Variants in TUFT1 observed in about 807,000 individuals in gnomAD.
TUFT1 encodes tuftelin.
Under a neutral mutation model 57.8 loss-of-function variants are expected in TUFT1, and 43 were observed. The ratio of observed to expected loss-of-function variants is 0.74; its 90% CI spans 0.58 to 0.96. TUFT1 has a LOEUF of 0.96. Ranked by LOEUF, TUFT1 falls within the 40% of genes least tolerant of loss-of-function variation. The pLI, the probability that TUFT1 is intolerant of heterozygous loss-of-function variation, is 0.00. For synonymous variants in TUFT1, 166 were observed against 176.7 expected, an observed-to-expected ratio of 0.94 and a Z score of 0.48; for missense variants, 459 against 489.0, an observed-to-expected ratio of 0.94 and a Z score of 0.58.
chr1:151,558,027 CTTG>C (rs1198126361), intron 1 of TUFT1: 10 of 410,656 alleles, frequency 2.4e-5, no homozygotes, highest in South Asian at 5.7e-5. Context: ...GGAAGGAAAT[CTTG>C]TTGTATTTAC....
intron 7 of TUFT1, among the ~76,000 whole-genome samples, chr1:151,571,196 GA>G (rs1261958982): frequency 6.6e-6 from 1 of 152,246 alleles, no homozygotes; most frequent in Non-Finnish European, 1.5e-5. Context: ...CTGAGAAGGA[GA>G]ATTTTTGAGA....
intron 9 of TUFT1, 79 bp from the exon 10 acceptor site, chr1:151,578,642 C>G (rs1666554202): frequency 3.1e-6 from 4 of 1,295,072 alleles, no homozygotes; most frequent in Admixed American, 2.1e-5. Flanking sequence ...GGGAACCTCC[C>G]AAGCTCAAGG....
chr1:151,556,333 C>T (rs1312445924), intron 1 of TUFT1, among the ~76,000 whole-genome samples: 1 of 151,534 alleles, frequency 6.6e-6, no homozygotes, highest in African/African-American at 2.4e-5. Context: ...CCTTCCCTTC[C>T]CTTTCCTTCC....
intron 1 of TUFT1, among the ~76,000 whole-genome samples, chr1:151,556,569 T>C (rs1211590825): frequency 6.6e-6 from 1 of 152,008 alleles, no homozygotes. Context: ...ACACCATGCC[T>C]GGATAAGAAA....
chr1:151,565,390 G>C lies in TUFT1; in HGVS notation c.415-773G>C, dbSNP rs541926228. 1.4e-4 allele frequency among the ~76,000 whole-genome samples: 21 copies of C among 152,382 alleles called. No homozygotes were observed. In the East Asian group the frequency reaches 3.9e-3, roughly 28 times the overall value. On this transcript the variant is annotated intron_variant, in intron 5 of 12. Transcript: ENST00000368849. Reference sequence around the variant, plus strand: ...TGCATTTTGGTTCAGGCAGAGTCTTGCTCCAGCAGCAGCCCCTGCCTTCAT... The same window carrying C: ...TGCATTTTGGTTCAGGCAGAGTCTTCCTCCAGCAGCAGCCCCTGCCTTCAT...
intron 9 of TUFT1, 80 bp downstream of exon 9, chr1:151,575,085 G>C: frequency 2.3e-6 from 3 of 1,293,734 alleles, no homozygotes; most frequent in Non-Finnish European, 3.3e-6. Context: ...TGCTCCTGTG[G>C]TGGCCTGGTC....
At chr1:151,580,916 C>T (rs750613101) in intron 11 of TUFT1, 26 bp from the exon 12 acceptor site, 13 of 1,611,774 alleles carry the variant, frequency 8.1e-6, no homozygotes, top group African/African-American at 1.3e-5. Flanking sequence ...AAAAGGCCAA[C>T]TCTAACCCCT....
intron 7 of TUFT1, among the ~76,000 whole-genome samples, chr1:151,573,340 G>A (rs573417128): frequency 1.3e-5 from 2 of 152,326 alleles, no homozygotes; most frequent in South Asian, 2.1e-4. Context: ...TCTGGAAGAA[G>A]GGGCATCTAA....
chr1:151,567,442 C>G (rs1407170976), intron 6 of TUFT1, among the ~76,000 whole-genome samples: 1 of 152,144 alleles, frequency 6.6e-6, no homozygotes, highest in Non-Finnish European at 1.5e-5. Flanking sequence ...TCATGTTTCC[C>G]AGGCTCATCT....
At chr1:151,567,729 AG>A (rs1156369255) in intron 6 of TUFT1, among the ~76,000 whole-genome samples, 6 of 152,176 alleles carry the variant, frequency 3.9e-5, no homozygotes, top group Non-Finnish European at 7.3e-5. Flanking sequence ...TATTTTTAGT[AG>A]AGATGGGGTT....
chr1:151,556,953 G>A (rs559908983), intron 1 of TUFT1, among the ~76,000 whole-genome samples: 1 of 152,282 alleles, frequency 6.6e-6, no homozygotes, highest in East Asian at 1.9e-4. Context: ...CAGCCTGGGT[G>A]ACAGAAACAG....
intron 1 of TUFT1, among the ~76,000 whole-genome samples, chr1:151,548,170 G>A (rs1466570484): frequency 1.3e-5 from 2 of 152,202 alleles, no homozygotes; most frequent in East Asian, 1.9e-4. Context: ...CAAGGAGAGG[G>A]TAGAGAGGGT....
At chr1:151,571,130 A>T (rs1571713254) in intron 7 of TUFT1, among the ~76,000 whole-genome samples, 1 of 152,246 alleles carries the variant, frequency 6.6e-6, no homozygotes, top group African/African-American at 2.4e-5. Flanking sequence ...CTGCCTAGGC[A>T]TGCTAGGAGC....
At chr1:151,575,429 T>C (rs1440305024) in intron 9 of TUFT1, among the ~76,000 whole-genome samples, 1 of 152,120 alleles carries the variant, frequency 6.6e-6, no homozygotes, top group Non-Finnish European at 1.5e-5. Flanking sequence ...AAAAATGGAA[T>C]GAGCAGCTTC....
chr1:151,574,498 C>T lies in TUFT1; in HGVS notation c.723+100C>T, dbSNP rs1055237795. The T allele has an allele frequency of 7.9e-6, 12 of 1,511,226 alleles. No individual in the cohort carries two copies. The Admixed American group carries it at 1.9e-4, about 24-fold the overall frequency. 93.6% of individuals were successfully genotyped at this position (1,511,226 alleles called of 1,614,324 possible). A position where few individuals can be genotyped will look rare whatever the true frequency, so the allele number is the denominator to read the frequency against. The stretch of plus-strand genomic sequence containing the variant: ...GCCGAGACCCTTCTTTTCCAAGCCT[C>T]TCCAGAAAAGCACACTTCGCACCTT... On this transcript the variant is annotated intron_variant, in intron 8 of 12. Coordinates refer to ENST00000368849, the MANE Select transcript of TUFT1 (RefSeq NM_020127.3).
chr1:151,573,315 A>T (rs1666329033), intron 7 of TUFT1, among the ~76,000 whole-genome samples: 1 of 152,206 alleles, frequency 6.6e-6, no homozygotes. Context: ...CTCCTCCCCC[A>T]GGCTCTGAAG....
At chr1:151,567,379 A>G (rs1666118205) in intron 6 of TUFT1, among the ~76,000 whole-genome samples, 3 of 151,950 alleles carry the variant, frequency 2.0e-5, no homozygotes, top group Non-Finnish European at 4.4e-5. Context: ...GACTATAGAC[A>G]CGTGCCACCA....
At chr1:151,565,994 C>A in intron 5 of TUFT1, 169 bp from the exon 6 acceptor site, 2 of 467,416 alleles carry the variant, frequency 4.3e-6, no homozygotes, top group South Asian at 6.2e-5. Context: ...TTCTTCATTC[C>A]TTCCTTTTTC....
intron 7 of TUFT1, among the ~76,000 whole-genome samples, chr1:151,573,666 C>T (rs1040609794): frequency 6.6e-5 from 10 of 152,186 alleles, no homozygotes; most frequent in South Asian, 2.1e-4. Flanking sequence ...ATCACTTGAA[C>T]CCAGGAGGCA....
Sources: allele counts gnomAD v4.1 joint callset (sites outside exome capture counted in the v4.1 genomes callset), GRCh38; gene constraint gnomAD v4.1.1; transcripts MANE v1.5; gene names NCBI Gene and HGNC (gene_info 2026-07-23, HGNC 2026-07-21).